Variants in PCDH15 observed in about 807,000 individuals in gnomAD.
The protein encoded by PCDH15 is protocadherin-15.
PCDH15 carries 129 observed loss-of-function variants against 178.5 expected under a neutral mutation model. The ratio of observed to expected loss-of-function variants is 0.72; its 90% CI spans 0.63 to 0.84. PCDH15 has a LOEUF of 0.84. Ranked by LOEUF, PCDH15 falls within the 40% of genes least tolerant of loss-of-function variation. The pLI is 0.00. For missense variants in PCDH15, 2,230 were observed against 2,099.9 expected (o/e 1.06, Z -1.21); for synonymous variants, 800 against 732.0 (o/e 1.09, Z -1.50).
chr10:55,033,947 G>T (rs940677059), intron 2 of PCDH15, among the ~76,000 whole-genome samples: 1 of 152,064 alleles, frequency 6.6e-6, no homozygotes, highest in African/African-American at 2.4e-5. Context: ...GAGGGAGTTT[G>T]CCCCTTTTGT....
At chr10:53,983,219 G>GGTGTGT (rs2090814926) in intron 21 of PCDH15, among the ~76,000 whole-genome samples, 1 of 150,824 alleles carries the variant, frequency 6.6e-6, no homozygotes, top group African/African-American at 2.4e-5. Flanking sequence ...AAGTGGTTTG[G>GGTGTGT]GTGTGTGTGT....
Position 55,131,245 on chromosome 10 carries a change from C to T in PCDH15, c.-80+35331G>A, listed in dbSNP as rs377419922. 2.0e-5 allele frequency among the ~76,000 whole-genome samples: 3 copies of T among 152,276 alleles called. No homozygotes were observed. In the East Asian group the frequency reaches 5.8e-4, roughly 29 times the overall value. Reference sequence around the variant, plus strand: ...AAACAAATGACCTTTTCACTGTCTCCATAGTCTCCATAGTTGCAGGCATGC... The same window carrying T: ...AAACAAATGACCTTTTCACTGTCTCTATAGTCTCCATAGTTGCAGGCATGC... On this transcript the variant is annotated intron_variant, in intron 2 of 5. Coordinates refer to the PCDH15 transcript ENST00000458638.
intron 8 of PCDH15, among the ~76,000 whole-genome samples, chr10:54,244,514 C>T (rs2055725093): frequency 1.3e-5 from 2 of 152,176 alleles, no homozygotes; most frequent in African/African-American, 4.8e-5. Context: ...CCACGCTGTC[C>T]AAGTGACAAA....
intron 1 of PCDH15, among the ~76,000 whole-genome samples, chr10:55,262,099 G>A (rs1371764560): frequency 2.4e-5 from 3 of 122,778 alleles, no homozygotes; most frequent in Non-Finnish European, 3.2e-5. Flanking sequence ...GGAGAGGAGA[G>A]AAGAGAAGAG....
chr10:54,716,510 C>A (rs572503365), intron 1 of PCDH15, among the ~76,000 whole-genome samples: 5 of 152,048 alleles, frequency 3.3e-5, no homozygotes, highest in African/African-American at 1.2e-4. Flanking sequence ...CTATTTTATT[C>A]TCTTTGAAGC....
chr10:55,375,175 C>G (rs1487884461), intron 2 of PCDH15, among the ~76,000 whole-genome samples: 1 of 152,086 alleles, frequency 6.6e-6, no homozygotes, highest in African/African-American at 2.4e-5. Flanking sequence ...GTACTAAGGG[C>G]TAATACTTTT....
At chr10:55,135,336 A>C (rs950553884) in intron 2 of PCDH15, among the ~76,000 whole-genome samples, 1 of 152,012 alleles carries the variant, frequency 6.6e-6, no homozygotes, top group Non-Finnish European at 1.5e-5. Context: ...ACATCTAAGT[A>C]AGCAGATAAG....
chr10:54,508,145 C>G (rs1156232472), intron 3 of PCDH15, among the ~76,000 whole-genome samples: 1 of 151,948 alleles, frequency 6.6e-6, no homozygotes, highest in Non-Finnish European at 1.5e-5. Context: ...GAGTTAACAT[C>G]CTACTGTATG....
intron 2 of PCDH15, among the ~76,000 whole-genome samples, chr10:55,053,839 A>C (rs954880952): frequency 1.3e-5 from 2 of 152,204 alleles, no homozygotes; most frequent in African/African-American, 4.8e-5. Context: ...CAACAATTTC[A>C]AATAAGTGAA....
intron 1 of PCDH15, among the ~76,000 whole-genome samples, chr10:54,796,274 G>GTATGTATCTATC (rs1951983541): frequency 1.8e-5 from 1 of 56,960 alleles, no homozygotes; most frequent in East Asian, 4.2e-4. Flanking sequence ...ATCTATCTAT[G>GTATGTATCTATC]TATCTATGTA....
intron 3 of PCDH15, among the ~76,000 whole-genome samples, chr10:54,435,917 C>T (rs1040119099): frequency 6.6e-6 from 1 of 151,446 alleles, no homozygotes; most frequent in Admixed American, 6.6e-5. Flanking sequence ...TTGCAGGGAG[C>T]CGAGATCGTG....
intron 2 of PCDH15, among the ~76,000 whole-genome samples, chr10:55,021,153 T>A (rs1234113954): frequency 6.6e-6 from 1 of 152,210 alleles, no homozygotes; most frequent in African/African-American, 2.4e-5. Context: ...TAGGTCATTG[T>A]TCTTGATTGA....
At chr10:55,258,986 A>G (rs968048720) in intron 1 of PCDH15, among the ~76,000 whole-genome samples, 1 of 152,082 alleles carries the variant, frequency 6.6e-6, no homozygotes, top group African/African-American at 2.4e-5. Context: ...TCTCATACAT[A>G]GTTTCATTTC....
chr10:54,080,086 G>T (rs886806998), intron 16 of PCDH15, among the ~76,000 whole-genome samples: 3 of 151,826 alleles, frequency 2.0e-5, no homozygotes, highest in African/African-American at 7.2e-5. Flanking sequence ...CATTTTTTAA[G>T]AAAATATAAT....
intron 2 of PCDH15, among the ~76,000 whole-genome samples, chr10:54,940,466 T>G (rs2131862927): frequency 6.6e-6 from 1 of 152,304 alleles, no homozygotes; most frequent in African/African-American, 2.4e-5. Context: ...CTTGAATACG[T>G]ACCATTTGCA....
chr10:54,425,237 G>A (rs1956123888), intron 3 of PCDH15, among the ~76,000 whole-genome samples: 4 of 152,112 alleles, frequency 2.6e-5, no homozygotes, highest in Admixed American at 2.6e-4. Context: ...GATCATGAAA[G>A]TTCCTCCCTC....
chr10:54,263,846 G>T (rs1029084299), intron 8 of PCDH15, among the ~76,000 whole-genome samples: 4 of 152,178 alleles, frequency 2.6e-5, no homozygotes, highest in African/African-American at 9.7e-5. Flanking sequence ...TAACATTTGA[G>T]TCTGGACTAG....
chr10:54,090,864 G>A (rs1334357945), intron 15 of PCDH15, among the ~76,000 whole-genome samples: 1 of 151,972 alleles, frequency 6.6e-6, no homozygotes, highest in Non-Finnish European at 1.5e-5. Context: ...TCTAAAACGA[G>A]GACTATACAA....
intron 2 of PCDH15, among the ~76,000 whole-genome samples, chr10:55,145,022 G>T (rs2132093176): frequency 6.6e-6 from 1 of 152,084 alleles, no homozygotes; most frequent in African/African-American, 2.4e-5. Flanking sequence ...CTATTAACAT[G>T]ACAAATATAA....
Sources: allele counts gnomAD v4.1 joint callset (sites outside exome capture counted in the v4.1 genomes callset), GRCh38; gene constraint gnomAD v4.1.1; transcripts MANE v1.5; gene names NCBI Gene and HGNC (gene_info 2026-07-23, HGNC 2026-07-21).